Variants in SEL1L3 observed in about 807,000 individuals in gnomAD.
SEL1L3 encodes SEL1L family member 3.
SEL1L3 carries 76 observed loss-of-function variants against 142.8 expected under a neutral mutation model. That is an observed-to-expected ratio of 0.53 (90% CI 0.44 to 0.64). The LOEUF (loss-of-function observed/expected upper bound fraction) is 0.64, where lower values mean the gene tolerates loss of function less well. SEL1L3 is among the 30% of genes least tolerant of loss of function. SEL1L3 has a pLI of 0.00. For missense variants in SEL1L3, 1,262 were observed against 1,381.7 expected, an observed-to-expected ratio of 0.91 and a Z score of 1.37; for synonymous variants, 504 against 519.6, an observed-to-expected ratio of 0.97 and a Z score of 0.41.
chr4:25,782,301 A>G lies in SEL1L3; in HGVS notation c.2398T>C (p.Tyr800His). 1.9e-6 allele frequency: 3 copies of G among 1,613,900 alleles called. No individual in the cohort carries two copies. The highest frequency in any genetic ancestry group is 2.5e-6 in the Non-Finnish European group (3 of 1,179,802). ...TCCAAATGCAGGACTCCAAGATTGT[A>G]TGACGCATCTGGGTTCCCCATTTCT... ...AEEMGNPDAS[Y>H]NLGVLHLDGI... Residue 800 changes from tyrosine to histidine, a missense_variant, in exon 15 of 24, where the codon TAC (tyrosine) becomes CAC (histidine). Tyr to His is a moderately conservative substitution (Grantham distance 83). Coordinates refer to ENST00000399878, the MANE Select transcript of SEL1L3 (RefSeq NM_015187.5).
chr4:25,764,347 T>G (rs1429275235), intron 20 of SEL1L3, among the ~76,000 whole-genome samples: 1 of 152,202 alleles, frequency 6.6e-6, no homozygotes, highest in Non-Finnish European at 1.5e-5. Flanking sequence ...ACTGGTGAAA[T>G]CTACATGAAG....
At position 25,788,164 on chromosome 4, in the gene SEL1L3, A is replaced by C; in HGVS notation, c.2217+60T>G. 1 of 1,572,256 alleles carries C rather than the reference A, an allele frequency of 6.4e-7. No individual in the cohort carries two copies. Among genetic ancestry groups the C allele is most frequent in the Non-Finnish European group, 8.7e-7 (1 of 1,153,482 alleles). ...CCCTGTTTGCCAGCCCGCCCACAGGAAACTGCTCAGGAGTCTGATAAGAAT... is the reference window on the plus strand; with the variant it reads ...CCCTGTTTGCCAGCCCGCCCACAGGCAACTGCTCAGGAGTCTGATAAGAAT... On this transcript the variant is annotated intron_variant, in intron 13 of 23. Coordinates refer to ENST00000399878, the MANE Select transcript of SEL1L3 (RefSeq NM_015187.5). This position sits in a 1 kb window ranked among gnomAD's most constrained non-coding sequence, Gnocchi z 5.3.
intron 17 of SEL1L3, 80 bp from the exon 18 acceptor site, chr4:25,767,910 G>A (rs1359797083): frequency 9.2e-6 from 8 of 865,458 alleles, no homozygotes; most frequent in Non-Finnish European, 1.4e-5. Flanking sequence ...TCAAACATAA[G>A]AGGGCACAAA....
chr4:25,862,881 G>A lies in SEL1L3; in HGVS notation c.-45C>T. ...GGGCCGGAACAGGTCACCTGGTGCA[G>A]GGACCGGCCCCCGCCCGAGGCGCCA... On this transcript the variant is annotated 5_prime_UTR_variant, in exon 1 of 24. Transcript: ENST00000399878. 3 of 1,060,490 alleles carry A rather than the reference G, an allele frequency of 2.8e-6. No homozygotes were observed. Among genetic ancestry groups the A allele is most frequent in the Non-Finnish European group, 3.4e-6 (3 of 880,480 alleles). The allele number at this position is 1,060,490 out of a possible 1,614,324, so 65.7% of individuals were successfully genotyped here.
chr4:25,829,613 T>C (rs73115774), intron 6 of SEL1L3, among the ~76,000 whole-genome samples: 2 of 152,350 alleles, frequency 1.3e-5, no homozygotes, highest in African/African-American at 4.8e-5. Flanking sequence ...TCTGTAACTC[T>C]TGTAGAGAAT....
chr4:25,811,782 A>G (rs111668734), intron 9 of SEL1L3, among the ~76,000 whole-genome samples: 499 of 128,106 alleles, frequency 3.9e-3, no homozygotes, highest in Non-Finnish European at 6.1e-3. Context: ...TGTTGTTGTT[A>G]GTAGCCATCC....
At chr4:25,832,473 T>C (rs781036440) in intron 5 of SEL1L3, among the ~76,000 whole-genome samples, 28 of 152,322 alleles carry the variant, frequency 1.8e-4, no homozygotes, top group Middle Eastern at 3.4e-3. Context: ...TACTACAAAG[T>C]AGATAAAGAC....
rs539706680 is a variant in SEL1L3 at position 25,750,330 on chromosome 4, GC to G, written c.3260-1767del. Among the ~76,000 whole-genome samples, 29 of 152,032 alleles carry G rather than the reference GC, an allele frequency of 1.9e-4. No homozygotes were observed. The East Asian group carries it at 4.6e-3, about 24-fold the overall frequency. The stretch of plus-strand genomic sequence containing the variant: ...GAGTGGAGTAGTTGTGACCAAGACA[GC>G]CCCGAGGGCCCAAAATATTTATTAT... On this transcript the variant is annotated intron_variant, in intron 23 of 23. Transcript: ENST00000399878.
intron 2 of SEL1L3, among the ~76,000 whole-genome samples, chr4:25,847,008 C>T (rs564572442): frequency 6.6e-6 from 1 of 150,900 alleles, no homozygotes; most frequent in African/African-American, 2.4e-5. Context: ...GGCATGAATA[C>T]TCCTTTCCAG....
At chr4:25,859,957 C>T (rs888536811) in intron 1 of SEL1L3, among the ~76,000 whole-genome samples, 2 of 152,128 alleles carry the variant, frequency 1.3e-5, no homozygotes, top group Non-Finnish European at 2.9e-5. Flanking sequence ...GCTAATGGCC[C>T]GTACATCGAT....
At chr4:25,716,219 A>C in the SEL1L3 span, among the ~76,000 whole-genome samples, 1 of 152,174 alleles carries the variant, frequency 6.6e-6, no homozygotes, top group South Asian at 2.1e-4. Flanking sequence ...TATGATCAAA[A>C]CACTCACAGA....
chr4:25,722,392 C>T, the SEL1L3 span, among the ~76,000 whole-genome samples: 14 of 152,148 alleles, frequency 9.2e-5, no homozygotes, highest in East Asian at 2.5e-3. Context: ...ATCCTTATGT[C>T]AAGGTGCATT....
At chr4:25,835,372 C>G (rs753204729) in intron 2 of SEL1L3, 49 bp from the exon 3 acceptor site, 1 of 1,597,898 alleles carries the variant, frequency 6.3e-7, no homozygotes, top group Admixed American at 1.7e-5. Flanking sequence ...GAAAAACATT[C>G]CTTCCCAAAC....
intron 11 of SEL1L3, among the ~76,000 whole-genome samples, chr4:25,797,307 T>A (rs1321744121): frequency 1.3e-5 from 2 of 152,076 alleles, no homozygotes; most frequent in South Asian, 2.1e-4. Flanking sequence ...AGGAGCAGGC[T>A]CAGCTGGAGG....
chr4:25,767,928 G>GT (rs561666504), intron 17 of SEL1L3, 98 bp from the exon 18 acceptor site: 235 of 741,330 alleles, frequency 3.2e-4, no homozygotes, highest in African/African-American at 1.3e-3. Context: ...AAAATAAGCA[G>GT]TTTTTTTAAA....
chr4:25,766,422 A>G (rs2109137226), intron 19 of SEL1L3, among the ~76,000 whole-genome samples: 1 of 148,638 alleles, frequency 6.7e-6, no homozygotes, highest in East Asian at 2.0e-4. Context: ...CCTAGGCGAC[A>G]CAGCAAGACT....
intron 23 of SEL1L3, among the ~76,000 whole-genome samples, chr4:25,749,243 T>A (rs752750668): frequency 1.3e-5 from 2 of 152,100 alleles, no homozygotes; most frequent in South Asian, 2.1e-4. Context: ...CCCACTTTGA[T>A]CCTAAGATTT....
chr4:25,819,035 A>G lies in SEL1L3; in HGVS notation c.1424-757T>C, dbSNP rs999969470. Among the ~76,000 whole-genome samples, 11 of 152,234 alleles carry G rather than the reference A, an allele frequency of 7.2e-5. No individual in the cohort carries two copies. In the East Asian group the frequency reaches 2.1e-3, roughly 29 times the overall value. On this transcript the variant is annotated intron_variant, in intron 8 of 23. Transcript: ENST00000399878. Reference sequence around the variant, plus strand: ...CATATGGGCAGGACTGAAATACTCAATTCGCTTTTGCTGATGGCAAAGGTC... The same window carrying G: ...CATATGGGCAGGACTGAAATACTCAGTTCGCTTTTGCTGATGGCAAAGGTC...
intron 9 of SEL1L3, among the ~76,000 whole-genome samples, chr4:25,806,266 T>C (rs1713567047): frequency 6.6e-6 from 1 of 151,954 alleles, no homozygotes; most frequent in African/African-American, 2.4e-5. Flanking sequence ...CTGGATTTCC[T>C]GACGTCGTGA....
Sources: allele counts gnomAD v4.1 joint callset (sites outside exome capture counted in the v4.1 genomes callset), GRCh38; gene constraint gnomAD v4.1.1; non-coding constraint Gnocchi (gnomAD v3.1); transcripts MANE v1.5; gene names NCBI Gene and HGNC (gene_info 2026-07-23, HGNC 2026-07-21).